Variants in KLHL29 observed in about 807,000 individuals in gnomAD.
KLHL29 encodes the protein kelch like family member 29, also known as kelch-like protein 29.
In KLHL29, 21 loss-of-function variants were observed where a neutral mutation model predicts 80.4. The observed-to-expected ratio is 0.26, with a 90% CI of 0.19 to 0.38. The LOEUF is 0.38. Among genes scored for constraint, KLHL29 ranks in the 10% least tolerant of loss-of-function variants. The pLI is 1.00. For missense variants in KLHL29, 867 were observed against 1,223.9 expected (o/e 0.71, Z 4.35); for synonymous variants, 511 against 526.8 (o/e 0.97, Z 0.41).
At position 23,562,366 on chromosome 2, in the gene KLHL29, C is replaced by G; in HGVS notation, c.170C>G (p.Pro57Arg). Residue 57 changes from proline to arginine, a missense_variant, in exon 3 of 14, where the codon CCC becomes CGC. Coordinates refer to ENST00000486442, the MANE Select transcript of KLHL29 (RefSeq NM_052920.2). The surrounding 1 kb of genome is among the most constrained non-coding windows in gnomAD (Gnocchi z 4.5). ...LSVRPGLLPLPVVPSRLPTPA... is the reference protein window; with the variant it reads ...LSVRPGLLPLRVVPSRLPTPA... ...GTCCGGCCCGGCCTCCTGCCGCTGCCCGTGGTGCCCTCCCGGCTGCCCACC... is the reference window on the plus strand; with the variant it reads ...GTCCGGCCCGGCCTCCTGCCGCTGCGCGTGGTGCCCTCCCGGCTGCCCACC... 1 of 1,541,724 alleles carries G rather than the reference C, an allele frequency of 6.5e-7. No individual in the cohort carries two copies. The highest frequency in any genetic ancestry group is 8.7e-7 in the Non-Finnish European group (1 of 1,145,406).
At chr2:23,608,627 G>A (rs1668785262) in intron 3 of KLHL29, among the ~76,000 whole-genome samples, 1 of 152,158 alleles carries the variant, frequency 6.6e-6, no homozygotes, top group African/African-American at 2.4e-5. Context: ...ATGCTGATAG[G>A]AAGCAGATAA....
chr2:23,432,304 A>G (rs930330982), intron 1 of KLHL29, among the ~76,000 whole-genome samples: 1 of 152,240 alleles, frequency 6.6e-6, no homozygotes, highest in African/African-American at 2.4e-5. Flanking sequence ...ATCTGCCTTT[A>G]TTGGTTATTT....
intron 3 of KLHL29, among the ~76,000 whole-genome samples, chr2:23,599,511 T>C (rs1246754654): frequency 1.3e-5 from 2 of 150,932 alleles, no homozygotes; most frequent in Non-Finnish European, 3.0e-5. Context: ...AATATTTTTC[T>C]ATATTACATT....
chr2:23,641,504 C>G (rs1244216103), intron 4 of KLHL29, among the ~76,000 whole-genome samples: 4 of 152,246 alleles, frequency 2.6e-5, no homozygotes, highest in Non-Finnish European at 5.9e-5. Context: ...TCCCCTGCCT[C>G]CCTCAGAGGC....
At chr2:23,443,754 T>A (rs1663598079) in intron 1 of KLHL29, among the ~76,000 whole-genome samples, 1 of 152,236 alleles carries the variant, frequency 6.6e-6, no homozygotes, top group Non-Finnish European at 1.5e-5. Context: ...AGGTGTCCCC[T>A]GTAGTTGACT....
At chr2:23,398,332 C>T (rs1008381548) in intron 1 of KLHL29, among the ~76,000 whole-genome samples, 1 of 152,192 alleles carries the variant, frequency 6.6e-6, no homozygotes, top group Admixed American at 6.5e-5. Flanking sequence ...ACCTTGAAGA[C>T]GTTATACTAA....
At chr2:23,559,500 G>GGCA (rs1667390455) in intron 2 of KLHL29, among the ~76,000 whole-genome samples, 2 of 152,056 alleles carry the variant, frequency 1.3e-5, no homozygotes, top group South Asian at 2.1e-4. Context: ...GGAAGGTCGT[G>GGCA]GCTGCAGATG....
chr2:23,587,997 G>A (rs1413391314), intron 3 of KLHL29, among the ~76,000 whole-genome samples: 1 of 152,164 alleles, frequency 6.6e-6, no homozygotes, highest in African/African-American at 2.4e-5. Context: ...TTTCTAAAAA[G>A]TCCTCTCACC....
At chr2:23,703,430 T>C in intron 12 of KLHL29, 51 bp downstream of exon 12, 28 of 1,386,710 alleles carry the variant, frequency 2.0e-5, no homozygotes, top group Non-Finnish European at 2.7e-5. Context: ...ATCCCTGCCT[T>C]GCTGATTTGT....
intron 2 of KLHL29, among the ~76,000 whole-genome samples, chr2:23,554,376 C>T (rs777914348): frequency 1.3e-5 from 2 of 152,220 alleles, no homozygotes; most frequent in South Asian, 2.1e-4. Context: ...CGGGGCCGGC[C>T]GGGCCGAGGC....
At chr2:23,506,562 T>C (rs79287435) in intron 2 of KLHL29, among the ~76,000 whole-genome samples, 3,667 of 152,320 alleles carry the variant, frequency 0.024, 138 homozygotes, top group African/African-American at 0.075. Context: ...TTGACCACTC[T>C]GGCCCAAGTG....
chr2:23,607,570 C>T (rs1423840091), intron 3 of KLHL29, among the ~76,000 whole-genome samples: 1 of 152,124 alleles, frequency 6.6e-6, no homozygotes, highest in African/African-American at 2.4e-5. Context: ...CAGGGGTCAC[C>T]CACCCCCACA....
intron 1 of KLHL29, among the ~76,000 whole-genome samples, chr2:23,458,436 C>T (rs1664121341): frequency 6.6e-6 from 1 of 152,244 alleles, no homozygotes; most frequent in Admixed American, 6.5e-5. Context: ...ACTCTATTGA[C>T]AAAACCAGCT....
chr2:23,450,091 T>C (rs1003230157), intron 1 of KLHL29, among the ~76,000 whole-genome samples: 3 of 152,186 alleles, frequency 2.0e-5, no homozygotes, highest in Admixed American at 2.0e-4. Context: ...AAAAAGCTCA[T>C]GTCCTCAATG....
At chr2:23,652,129 G>A (rs1332012781) in intron 5 of KLHL29, among the ~76,000 whole-genome samples, 1 of 152,182 alleles carries the variant, frequency 6.6e-6, no homozygotes, top group Non-Finnish European at 1.5e-5. Context: ...TCTACCTGTG[G>A]GTGTTTTCAG....
At chr2:23,553,824 T>C (rs1008964881) in intron 2 of KLHL29, among the ~76,000 whole-genome samples, 1 of 152,062 alleles carries the variant, frequency 6.6e-6, no homozygotes, top group Non-Finnish European at 1.5e-5. Context: ...CTCGGGCAGC[T>C]CCAGTGGAGG....
intron 1 of KLHL29, among the ~76,000 whole-genome samples, chr2:23,410,646 C>T (rs1183962350): frequency 2.6e-5 from 4 of 151,952 alleles, no homozygotes; most frequent in South Asian, 2.1e-4. Context: ...GCTGTTGGTC[C>T]GCAGTCCTCT....
chr2:23,440,871 A>G (rs932261379), intron 1 of KLHL29, among the ~76,000 whole-genome samples: 13 of 152,312 alleles, frequency 8.5e-5, no homozygotes, highest in African/African-American at 2.9e-4. Flanking sequence ...ACACTTTTAC[A>G]CTGTTGGTGG....
At chr2:23,417,271 A>G (rs1048075117) in intron 1 of KLHL29, among the ~76,000 whole-genome samples, 10 of 152,186 alleles carry the variant, frequency 6.6e-5, no homozygotes, top group African/African-American at 2.4e-4. Context: ...GAGCCAGGGC[A>G]CCAATTCTAT....
Sources: gnomAD v4.1 joint callset for allele counts (sites outside exome capture counted in the v4.1 genomes callset) on GRCh38, gnomAD v4.1.1 for gene constraint, Gnocchi (gnomAD v3.1) non-coding constraint, MANE v1.5 for transcripts, NCBI Gene and HGNC (gene_info 2026-07-23, HGNC 2026-07-21) for gene names.